Variants in ALG12 observed in about 807,000 individuals in gnomAD.
ALG12 encodes dol-P-Man:Man(7)GlcNAc(2)-PP-Dol alpha-1,6-mannosyltransferase.
In ALG12, 36 loss-of-function variants were observed where a neutral mutation model predicts 46.0. That is an observed-to-expected ratio of 0.78 (90% CI 0.60 to 1.03). The LOEUF is 1.03. ALG12 is among the 50% of genes least tolerant of loss of function. The pLI is 0.00. For synonymous variants in ALG12, 326 were observed against 291.6 expected, an observed-to-expected ratio of 1.12 and a Z score of -1.20; for missense variants, 599 against 633.5, an observed-to-expected ratio of 0.95 and a Z score of 0.58.
At chr22:49,864,035 A>G in the ALG12 span, among the ~76,000 whole-genome samples, 2 of 152,174 alleles carry the variant, frequency 1.3e-5, no homozygotes, top group African/African-American at 4.8e-5. Flanking sequence ...GACCTGAAAT[A>G]AGCCATTTCT....
At position 49,903,776 on chromosome 22, in the gene ALG12, G is replaced by A; in HGVS notation, c.*62C>T. 1 of 1,555,400 alleles carries A rather than the reference G, an allele frequency of 6.4e-7. No homozygotes were observed. Among genetic ancestry groups the A allele is most frequent in the African/African-American group, 1.4e-5 (1 of 73,974 alleles). On this transcript the variant is annotated 3_prime_UTR_variant, in exon 10 of 10. Coordinates refer to ENST00000330817, the MANE Select transcript of ALG12 (RefSeq NM_024105.4). ...TCATAATTGTGCTGGAATTGTGCCA[G>A]AAACTGGTAGTGATAACAGCTCCTG...
the ALG12 span, chr22:49,883,801 G>C: frequency 6.2e-7 from 1 of 1,613,490 alleles, no homozygotes; most frequent in Non-Finnish European, 8.5e-7. Context: ...AAGCGAGCAG[G>C]AGGACATGAA....
the ALG12 span, among the ~76,000 whole-genome samples, chr22:49,878,742 A>T: frequency 6.6e-6 from 1 of 152,166 alleles, no homozygotes; most frequent in Non-Finnish European, 1.5e-5. Context: ...TTCAAAATAC[A>T]CTAGTAAAAG....
the ALG12 span, chr22:49,886,277 A>C: frequency 1.4e-5 from 20 of 1,380,482 alleles, no homozygotes; most frequent in Non-Finnish European, 1.9e-5. This position sits in a 1 kb window ranked among gnomAD's most constrained non-coding sequence, Gnocchi z 7.7. Flanking sequence ...AAACTGGCCG[A>C]GCTGCAGAGG....
At chr22:49,885,640 A>G in the ALG12 span, 2 of 1,612,230 alleles carry the variant, frequency 1.2e-6, no homozygotes, top group South Asian at 2.2e-5. Context: ...AAAAATCACA[A>G]GTCTCATAGC....
chr22:49,881,784 C>T, the ALG12 span, among the ~76,000 whole-genome samples: 1 of 152,212 alleles, frequency 6.6e-6, no homozygotes, highest in African/African-American at 2.4e-5. Context: ...CCTCCCACCT[C>T]AGCCTCCCAA....
At chr22:49,890,230 C>T in the ALG12 span, among the ~76,000 whole-genome samples, 1 of 152,022 alleles carries the variant, frequency 6.6e-6, no homozygotes, top group Non-Finnish European at 1.5e-5. Context: ...TTACTTGAGC[C>T]CAGGAGTTTG....
the ALG12 span, chr22:49,884,745 C>T: frequency 6.3e-7 from 1 of 1,593,336 alleles, no homozygotes; most frequent in Non-Finnish European, 8.6e-7. Flanking sequence ...TGCTGCCTTC[C>T]TTGCTGCCGC....
rs1240684266 is a variant in ALG12 at position 49,902,180 on chromosome 22, G to A, written c.*1658C>T. 7.0e-6 allele frequency: 1 copy of A among 141,886 alleles called. No homozygotes were observed. The highest frequency in any genetic ancestry group is 6.9e-5 in the Admixed American group (1 of 14,506). 8.8% of individuals were successfully genotyped at this position (141,886 alleles called of 1,614,324 possible). Reference sequence around the variant, plus strand: ...GTGTGTGCACGTGTGCACTGTGTGTGGTGTGTATGCATGGTGTGTGCACAT... The same window carrying A: ...GTGTGTGCACGTGTGCACTGTGTGTAGTGTGTATGCATGGTGTGTGCACAT... On this transcript the variant is annotated 3_prime_UTR_variant, in exon 10 of 10. Coordinates refer to ENST00000330817, the MANE Select transcript of ALG12 (RefSeq NM_024105.4).
the ALG12 span, chr22:49,884,825 C>G: frequency 1.2e-6 from 2 of 1,610,650 alleles, no homozygotes; most frequent in Non-Finnish European, 1.7e-6. Flanking sequence ...TCGGCCTCCT[C>G]CTCCCCTGAC....
intron 3 of ALG12, 139 bp from the exon 4 acceptor site, chr22:49,910,746 C>A (rs1036674647): frequency 7.8e-6 from 8 of 1,023,358 alleles, no homozygotes; most frequent in Non-Finnish European, 1.2e-5. Context: ...CTACGTCAGG[C>A]AAAGCAGCCT....
chr22:49,875,356 T>G, the ALG12 span, among the ~76,000 whole-genome samples: 18 of 152,056 alleles, frequency 1.2e-4, no homozygotes, highest in Non-Finnish European at 1.6e-4. Context: ...TATTCTTGAG[T>G]TTTTGTAGTT....
At position 49,913,430 on chromosome 22, in the gene ALG12, C is replaced by A; in HGVS notation, c.250G>T (p.Val84Leu). ...IAVFSSPAVY[V>L]LSLLEMSKFY... ...TTGGACATTTCTAACAGCGAAAGCA[C>A]GTAAACCGCGGGGCTGGAGAACACT... Residue 84 changes from valine (V) to leucine (L), a missense_variant, in exon 3 of 10, where the codon GTG becomes TTG. By Grantham distance (32) the Val-to-Leu change is conservative (BLOSUM62 1). Coordinates refer to ENST00000330817, the MANE Select transcript of ALG12 (RefSeq NM_024105.4). The A allele has an allele frequency of 6.2e-7, 1 of 1,614,026 alleles. No individual in the cohort carries two copies. The highest frequency in any genetic ancestry group is 8.5e-7 in the Non-Finnish European group (1 of 1,180,046).
In ALG12 at chr22:49,906,336, C is replaced by A. The variant is rs1422906855; in HGVS notation, c.992+1385G>T. Among the ~76,000 whole-genome samples, 1 of 152,208 alleles carries A rather than the reference C, an allele frequency of 6.6e-6. No homozygotes were observed. The highest frequency in any genetic ancestry group is 1.9e-4 in the East Asian group (1 of 5,202). ...GCTGGGGTCTGCTCCTCCTCCAGCC[C>A]TGAGCCGACCCCTGAGACGAGAGGG... On this transcript the variant is annotated intron_variant, in intron 7 of 9. Coordinates refer to ENST00000330817, the MANE Select transcript of ALG12 (RefSeq NM_024105.4). The surrounding 1 kb of genome is among the most constrained non-coding windows in gnomAD (Gnocchi z 4.4).
the ALG12 span, among the ~76,000 whole-genome samples, chr22:49,863,175 TTTGG>T: frequency 9.4e-4 from 143 of 152,046 alleles, no homozygotes; most frequent in Non-Finnish European, 1.2e-3. Flanking sequence ...GTAGATTGTG[TTTGG>T]TTGGTTGGTT....
intron 7 of ALG12, among the ~76,000 whole-genome samples, chr22:49,907,369 C>A (rs1016839750): frequency 6.6e-6 from 1 of 152,192 alleles, no homozygotes; most frequent in Non-Finnish European, 1.5e-5. Context: ...CTGAGCAAAG[C>A]CCTCTGTCAG....
rs9616367 is a variant in ALG12, at chr22:49,909,867, A to C, written c.664+27T>G. On this transcript the variant is annotated intron_variant, in intron 5 of 9. Coordinates refer to ENST00000330817, the MANE Select transcript of ALG12 (RefSeq NM_024105.4). ...AAACAAGGCAAAACAAAATCCAGTT[A>C]GAAGCATCCCACAGTGACTGACTTA... 0.21 allele frequency: 341,963 copies of C among 1,612,502 alleles called. 40,056 individuals are homozygous for C. Among genetic ancestry groups the C allele is most frequent in the South Asian group, 0.41 (37,256 of 91,018 alleles).
the ALG12 span, among the ~76,000 whole-genome samples, chr22:49,871,519 A>G: frequency 1.3e-5 from 2 of 152,082 alleles, no homozygotes; most frequent in African/African-American, 4.8e-5. Flanking sequence ...AGTATAATGT[A>G]GTCTGGTAAG....
the ALG12 span, among the ~76,000 whole-genome samples, chr22:49,894,144 G>A: frequency 2.3e-4 from 35 of 152,254 alleles, no homozygotes; most frequent in Admixed American, 1.6e-3. Flanking sequence ...TAGCCTGGGC[G>A]ACAGAGCAAG....
Sources: allele counts gnomAD v4.1 joint callset (sites outside exome capture counted in the v4.1 genomes callset), GRCh38; gene constraint gnomAD v4.1.1; non-coding constraint Gnocchi (gnomAD v3.1); transcripts MANE v1.5; gene names NCBI Gene and HGNC (gene_info 2026-07-23, HGNC 2026-07-21).